The following NUP160 variants were observed in gnomAD, a reference collection of about 807,000 sequenced individuals.
NUP160 encodes nuclear pore complex protein Nup160.
Under a neutral mutation model 196.9 loss-of-function variants are expected in NUP160, and 94 were observed. The ratio of observed to expected loss-of-function variants is 0.48; its 90% CI spans 0.40 to 0.57. The LOEUF is 0.57. Ranked by LOEUF, NUP160 falls within the 20% of genes least tolerant of loss-of-function variation. The pLI is 0.00. For missense variants in NUP160, 1,638 were observed against 1,748.3 expected (o/e 0.94, Z 1.13); for synonymous variants, 605 against 619.7 (o/e 0.98, Z 0.35).
At chr11:47,807,218 A>G in intron 18 of NUP160, 78 bp from the exon 19 acceptor site, 2 of 860,656 alleles carry the variant, frequency 2.3e-6, no homozygotes, top group Non-Finnish European at 3.8e-6. Flanking sequence ...TCTACGAAGA[A>G]CACTGTCAAT....
At chr11:47,803,740 G>T (rs895969727) in intron 21 of NUP160, among the ~76,000 whole-genome samples, 2 of 152,196 alleles carry the variant, frequency 1.3e-5, no homozygotes, top group East Asian at 1.9e-4. Context: ...CAGGAGTCCA[G>T]TAACACACAT....
intron 2 of NUP160, 32 bp downstream of exon 2, chr11:47,847,816 T>C (rs1442989385): frequency 1.3e-6 from 2 of 1,483,688 alleles, no homozygotes; most frequent in East Asian, 2.3e-5. Flanking sequence ...AACCCTACCT[T>C]CCAGGGGAGT....
chr11:47,786,276 G>C (rs1437954203), intron 32 of NUP160, among the ~76,000 whole-genome samples, 177 bp downstream of exon 32: 1 of 152,178 alleles, frequency 6.6e-6, no homozygotes, highest in Non-Finnish European at 1.5e-5. Context: ...AGACATCCTA[G>C]TTTGGACAAT....
intron 11 of NUP160, 30 bp from the exon 12 acceptor site, chr11:47,816,059 T>C (rs1016349862): frequency 6.9e-7 from 1 of 1,448,658 alleles, no homozygotes; most frequent in Non-Finnish European, 9.7e-7. Flanking sequence ...TAGACTTCTA[T>C]ATAATAGCCA....
chr11:47,838,698 ACT>A (rs945332978), intron 4 of NUP160, among the ~76,000 whole-genome samples: 17 of 151,216 alleles, frequency 1.1e-4, no homozygotes, highest in South Asian at 8.4e-4. Flanking sequence ...TGACAGTGAG[ACT>A]CTGTCTCAAA....
intron 9 of NUP160, 125 bp from the exon 10 acceptor site, chr11:47,819,583 C>A (rs1851815720): frequency 1.9e-6 from 1 of 514,590 alleles, no homozygotes; most frequent in Non-Finnish European, 3.5e-6. Flanking sequence ...TTCATCAATT[C>A]TATTAAAAAC....
At chr11:47,815,104 A>T (rs2097683597) in intron 13 of NUP160, 1 of 154,308 alleles carries the variant, frequency 6.5e-6, no homozygotes, top group African/African-American at 2.4e-5. Flanking sequence ...GATGGTGTAC[A>T]CCTGTAGTCC....
chr11:47,809,734 C>A (rs1191028287), intron 17 of NUP160, among the ~76,000 whole-genome samples: 67 of 47,892 alleles, frequency 1.4e-3, no homozygotes, highest in African/African-American at 3.5e-3. Flanking sequence ...GCAAGACTCT[C>A]AAAAAAAAAA....
intron 4 of NUP160, 88 bp downstream of exon 4, chr11:47,839,755 A>C (rs1852256991): frequency 9.2e-7 from 1 of 1,092,216 alleles, no homozygotes; most frequent in South Asian, 1.3e-5. Flanking sequence ...GTAGAGATGC[A>C]ATCCCTGCAT....
At chr11:47,786,797 CTT>C (rs945543763) in intron 31 of NUP160, among the ~76,000 whole-genome samples, 3 of 151,076 alleles carry the variant, frequency 2.0e-5, no homozygotes, top group African/African-American at 7.3e-5. Flanking sequence ...TTTTTCTTTT[CTT>C]TTTTTTTGAG....
exon 7 of NUP160, chr11:47,835,764 C>T (rs1175822599): frequency 6.2e-7 from 1 of 1,603,344 alleles, no homozygotes; most frequent in Admixed American, 1.7e-5. Context: ...TCTTTCTTCA[C>T]AGGGACATAC....
intron 7 of NUP160, among the ~76,000 whole-genome samples, chr11:47,828,289 A>G (rs568921945): frequency 3.3e-4 from 51 of 152,360 alleles, no homozygotes; most frequent in African/African-American, 1.2e-3. Flanking sequence ...ATATACAAAA[A>G]TCAACTGTAT....
intron 11 of NUP160, among the ~76,000 whole-genome samples, chr11:47,817,570 C>A (rs1259238159): frequency 6.6e-6 from 1 of 151,582 alleles, no homozygotes; most frequent in Non-Finnish European, 1.5e-5. Context: ...TGGTCTCGAT[C>A]TCTTGACCCC....
chr11:47,838,276 A>T (rs1852219155), intron 4 of NUP160, among the ~76,000 whole-genome samples: 1 of 152,226 alleles, frequency 6.6e-6, no homozygotes, highest in Non-Finnish European at 1.5e-5. Flanking sequence ...TGGCATATTC[A>T]AGGAATTACA....
At chr11:47,796,231 G>A (rs1327540902) in intron 27 of NUP160, 6 of 508,794 alleles carry the variant, frequency 1.2e-5, no homozygotes, top group Non-Finnish European at 1.8e-5. Flanking sequence ...CAGAAAAAGA[G>A]AAATACGAGA....
At chr11:47,810,319 T>G (rs2097680360) in intron 17 of NUP160, among the ~76,000 whole-genome samples, 2 of 151,996 alleles carry the variant, frequency 1.3e-5, no homozygotes, top group Non-Finnish European at 2.9e-5. Context: ...CATCTCAGCC[T>G]CCCAAGTAGC....
intron 29 of NUP160, among the ~76,000 whole-genome samples, chr11:47,790,256 A>G (rs2097667147): frequency 6.9e-6 from 1 of 144,916 alleles, no homozygotes; most frequent in Admixed American, 7.0e-5. Context: ...TATATACTGT[A>G]CTCTTGGTTG....
At chr11:47,787,624 A>G (rs545837962) in intron 31 of NUP160, among the ~76,000 whole-genome samples, 20 of 151,816 alleles carry the variant, frequency 1.3e-4, no homozygotes, top group Admixed American at 3.3e-4. Context: ...GGGTTTCACC[A>G]TGTTGGCCAG....
At chr11:47,847,872 A>G (rs1445933357) in exon 2 of NUP160, 1 of 1,613,566 alleles carries the variant, frequency 6.2e-7, no homozygotes. Context: ...GTTTCTGGTT[A>G]CGGAGAACAA....
Sources: gnomAD v4.1 joint callset for allele counts (sites outside exome capture counted in the v4.1 genomes callset) on GRCh38, gnomAD v4.1.1 for gene constraint, MANE v1.5 for transcripts, NCBI Gene and HGNC (gene_info 2026-07-23, HGNC 2026-07-21) for gene names.